MAML1: variants seen among roughly 807,000 people sequenced by gnomAD.
MAML1 encodes the protein mastermind like transcriptional coactivator 1.
Under a neutral mutation model 77.1 loss-of-function variants are expected in MAML1, and 14 were observed. That is an observed-to-expected ratio of 0.18 (90% confidence interval 0.12 to 0.28). The LOEUF is 0.28. MAML1 is among the 10% of genes least tolerant of loss of function. The probability of loss-of-function intolerance (pLI) is 1.00; values close to 1 mark genes in which losing one functional copy is unlikely to be tolerated. For synonymous variants in MAML1, 516 were observed against 551.9 expected (o/e 0.93, Z 0.91); for missense variants, 1,217 against 1,327.8 (o/e 0.92, Z 1.30).
At chr5:179,757,662 C>G (rs1376100750) in intron 1 of MAML1, among the ~76,000 whole-genome samples, 1 of 152,140 alleles carries the variant, frequency 6.6e-6, no homozygotes, top group Non-Finnish European at 1.5e-5. Flanking sequence ...TGGGTTATGT[C>G]TTAACGTCAC....
At position 179,751,118 on chromosome 5, in the gene MAML1, C is replaced by T. The variant is rs564747937; in HGVS notation, c.316-14208C>T. ...CCTCCCGAGTAGCTGGGACTACAGG[C>T]GCACACCACGATGCGTAGCTAATTT... is the stretch of plus-strand genomic sequence containing the variant. On this transcript the variant is annotated intron_variant, in intron 1 of 4. Transcript: ENST00000292599. Among the ~76,000 whole-genome samples the T allele has an allele frequency of 3.9e-5, 6 of 152,188 alleles. No individual in the cohort carries two copies. The South Asian group carries it at 1.2e-3, about 32-fold the overall frequency.
At position 179,741,648 on chromosome 5, in the gene MAML1, C is replaced by T. The variant is rs143171906; in HGVS notation, c.315+8221C>T. Among the ~76,000 whole-genome samples the T allele has an allele frequency of 3.8e-3, 539 of 142,472 alleles. 5 individuals are homozygous for T. The highest frequency in any genetic ancestry group is 0.013 in the African/African-American group (481 of 37,956). 93.5% of individuals were successfully genotyped at this position (142,472 alleles called of 152,430 possible). A position where few individuals can be genotyped will look rare whatever the true frequency, so the allele number is the denominator to read the frequency against. On this transcript the variant is annotated intron_variant, in intron 1 of 4. Transcript: ENST00000292599. ...TTGTCGTGAGCTGAGATTGTGACAT[C>T]GTACTACAGCCTGGGTGGCAGAGCG...
chr5:179,743,657 G>A (rs1055505289), intron 1 of MAML1, among the ~76,000 whole-genome samples: 8 of 151,974 alleles, frequency 5.3e-5, no homozygotes, highest in East Asian at 1.9e-4. Context: ...GAGCCACTGC[G>A]CCCGGCCCTC....
intron 1 of MAML1, among the ~76,000 whole-genome samples, chr5:179,758,556 A>G (rs1779668885): frequency 6.6e-6 from 1 of 151,686 alleles, no homozygotes; most frequent in Admixed American, 6.6e-5. Context: ...GTGCCTGGCT[A>G]ATTATTTATT....
Position 179,774,272 on chromosome 5 carries a change from C to T in MAML1, c.2446C>T (p.Leu816=), listed in dbSNP as rs548748171. The T allele has an allele frequency of 5.9e-5, 96 of 1,613,460 alleles. 1 individual carries two copies. In the South Asian group the frequency reaches 9.3e-4, roughly 16 times the overall value. The change falls in exon 5 of 5, where the codon CTG becomes TTG. Residue 816 remains leucine (L), a synonymous_variant. Coordinates refer to ENST00000292599, the MANE Select transcript of MAML1 (RefSeq NM_014757.5). ...CTCCCAGCAGCACAATAAGGGGACC[C>T]TGAACCCTGGTTTAACAAAGCCACC... ...GLSQQHNKGT[L]NPGLTKPPVP...
intron 1 of MAML1, among the ~76,000 whole-genome samples, chr5:179,760,271 GATGA>G (rs1268560430): frequency 6.6e-6 from 1 of 152,112 alleles, no homozygotes; most frequent in Non-Finnish European, 1.5e-5. Flanking sequence ...CCTGACACTA[GATGA>G]GTGCCTCTGG....
rs142127863 is a variant in MAML1, at chr5:179,774,681, G to T, written c.2855G>T (p.Arg952Leu). 1 of 1,609,862 alleles carries T rather than the reference G, an allele frequency of 6.2e-7. No homozygotes were observed. The highest frequency in any genetic ancestry group is 2.2e-5 in the East Asian group (1 of 44,842). ...SQSPASQMGG[R>L]AGLHCTQAYP... ...AGCCCTGCCTCACAGATGGGCGGTC[G>T]GGCGGGGCTGCACTGCACCCAGGCC... The change falls in exon 5 of 5, where the codon CGG (arginine) becomes CTG (leucine). Residue 952 changes from arginine to leucine, a missense_variant. Physicochemically the swap from Arg to Leu is moderately radical, Grantham distance 102. Around this residue, in one of 3 missense-constraint regions of MAML1, gnomAD observed 884 missense variants for 949.3 expected, o/e 0.93. Coordinates refer to ENST00000292599, the MANE Select transcript of MAML1 (RefSeq NM_014757.5).
At chr5:179,765,175 A>G (rs1189806972) in intron 1 of MAML1, 151 bp from the exon 2 acceptor site, 1 of 642,186 alleles carries the variant, frequency 1.6e-6, no homozygotes, top group Non-Finnish European at 2.6e-6. Flanking sequence ...ACCGTCAGGG[A>G]AAATGGAGGT....
At position 179,774,806 on chromosome 5, in the gene MAML1, G is replaced by A. The variant is rs769979944; in HGVS notation, c.2980G>A (p.Asp994Asn). 1.2e-6 allele frequency: 2 copies of A among 1,613,974 alleles called. No individual in the cohort carries two copies. Among genetic ancestry groups the A allele is most frequent in the Non-Finnish European group, 1.7e-6 (2 of 1,180,008 alleles). ...TGTGGCTGGACACACCGATCTGATCGACTCCCTGCTGAAGAACAGGACTTC... is the reference window on the plus strand; with the variant it reads ...TGTGGCTGGACACACCGATCTGATCAACTCCCTGCTGAAGAACAGGACTTC... ...SSVAGHTDLI[D>N]SLLKNRTSEE... The change falls in exon 5 of 5, where the codon GAC becomes AAC. Residue 994 changes from aspartate (D) to asparagine (N), a missense_variant. Transcript: ENST00000292599.
chr5:179,756,286 G>A (rs1779614296), intron 1 of MAML1, among the ~76,000 whole-genome samples: 1 of 151,694 alleles, frequency 6.6e-6, no homozygotes, highest in Non-Finnish European at 1.5e-5. Context: ...TTGGCCGGGT[G>A]TGGTGGCGGG....
chr5:179,752,350 A>AAAAAAAAAAAATAT (rs1554150144), intron 1 of MAML1, among the ~76,000 whole-genome samples: 3 of 66,716 alleles, frequency 4.5e-5, no homozygotes, highest in African/African-American at 2.0e-4. Context: ...AAAAAAAAAA[A>AAAAAAAAAAAATAT]ATATATATAT....
chr5:179,766,776 G>T lies in MAML1; in HGVS notation c.1731+35G>T. On this transcript the variant is annotated intron_variant, in intron 2 of 4. Coordinates refer to ENST00000292599, the MANE Select transcript of MAML1 (RefSeq NM_014757.5). This position sits in a 1 kb window ranked among gnomAD's most constrained non-coding sequence, Gnocchi z 4.0. ...AGCCTTTGCTTTCTGTTCCTCTGCT[G>T]CAGACACTTCAGTGAGGTTACTCAC... The T allele has an allele frequency of 2.7e-6, 4 of 1,483,514 alleles. No homozygotes were observed. The highest frequency in any genetic ancestry group is 3.6e-6 in the Non-Finnish European group (4 of 1,107,120). 91.9% of individuals were successfully genotyped at this position (1,483,514 alleles called of 1,614,324 possible).
At chr5:179,755,772 T>C (rs1336628422) in intron 1 of MAML1, among the ~76,000 whole-genome samples, 1 of 151,884 alleles carries the variant, frequency 6.6e-6, no homozygotes, top group South Asian at 2.1e-4. Flanking sequence ...AAGACAGTTT[T>C]TTTTTTTTTT....
At chr5:179,770,340 C>T (rs938060197) in intron 3 of MAML1, among the ~76,000 whole-genome samples, 1 of 152,028 alleles carries the variant, frequency 6.6e-6, no homozygotes, top group East Asian at 1.9e-4. Flanking sequence ...CCCAGCTACT[C>T]GGGAGGCCGA....
intron 1 of MAML1, among the ~76,000 whole-genome samples, chr5:179,734,957 T>G (rs1779137205): frequency 6.6e-6 from 1 of 151,786 alleles, no homozygotes; most frequent in Non-Finnish European, 1.5e-5. Context: ...ATTATAGGCA[T>G]GAGCCACCGC....
Position 179,775,356 on chromosome 5 carries a change from A to C in MAML1, c.*479A>C. 1.0e-6 allele frequency: 1 copy of C among 985,930 alleles called. No homozygotes were observed. Among genetic ancestry groups the C allele is most frequent in the Non-Finnish European group, 1.2e-6 (1 of 830,214 alleles). The allele number at this position is 985,930 out of a possible 1,614,324, so 61.1% of individuals were successfully genotyped here. ...TTAAATTTTTTTACAAAAGGTTTTT[A>C]AACAGATTAGGGTAGGTGATGGTTT... On this transcript the variant is annotated 3_prime_UTR_variant, in exon 5 of 5. Coordinates refer to ENST00000292599, the MANE Select transcript of MAML1 (RefSeq NM_014757.5).
intron 1 of MAML1, among the ~76,000 whole-genome samples, chr5:179,756,985 G>T (rs371021422): frequency 6.6e-6 from 1 of 151,912 alleles, no homozygotes; most frequent in South Asian, 2.1e-4. Context: ...GCGCCACCAC[G>T]CCTGGCTAAT....
At chr5:179,742,119 C>A (rs1279822598) in intron 1 of MAML1, among the ~76,000 whole-genome samples, 1 of 149,584 alleles carries the variant, frequency 6.7e-6, no homozygotes, top group Non-Finnish European at 1.5e-5. Context: ...GTGATCCACC[C>A]GCCTCGGTCT....
intron 1 of MAML1, among the ~76,000 whole-genome samples, chr5:179,762,815 C>T (rs1779746953): frequency 1.3e-5 from 2 of 152,194 alleles, no homozygotes. Context: ...CTGCCGGGGC[C>T]ACCACATTAC....
Sources: allele counts gnomAD v4.1 joint callset (sites outside exome capture counted in the v4.1 genomes callset), GRCh38; gene constraint gnomAD v4.1.1; regional missense constraint gnomAD v4.1.1; non-coding constraint Gnocchi (gnomAD v3.1); transcripts MANE v1.5; gene names NCBI Gene and HGNC (gene_info 2026-07-23, HGNC 2026-07-21).